Variants in COLGALT1 observed in about 807,000 individuals in gnomAD.
COLGALT1 encodes procollagen galactosyltransferase 1.
In COLGALT1, 43 loss-of-function variants were observed where a neutral mutation model predicts 60.8. That is an observed-to-expected ratio of 0.71 (90% CI 0.55 to 0.91). The LOEUF is 0.91. Ranked by LOEUF, COLGALT1 falls within the 40% of genes least tolerant of loss-of-function variation. COLGALT1 has a pLI of 0.00. For missense variants in COLGALT1, 845 were observed against 880.0 expected (o/e 0.96, Z 0.50); for synonymous variants, 369 against 374.2 (o/e 0.99, Z 0.16).
chr19:17,573,044 A>G (rs1162209139), intron 6 of COLGALT1, among the ~76,000 whole-genome samples: 1 of 152,158 alleles, frequency 6.6e-6, no homozygotes, highest in East Asian at 1.9e-4. Flanking sequence ...CCCTGAGGAC[A>G]GTCAGGAGCT....
chr19:17,562,846 A>T (rs1210632683), intron 3 of COLGALT1, among the ~76,000 whole-genome samples: 1 of 152,102 alleles, frequency 6.6e-6, no homozygotes, highest in Non-Finnish European at 1.5e-5. Context: ...GGGAGAGAGG[A>T]ACGGGGACAG....
At chr19:17,572,704 C>A in intron 6 of COLGALT1, 102 bp downstream of exon 6, 1 of 1,529,964 alleles carries the variant, frequency 6.5e-7, no homozygotes, top group Non-Finnish European at 8.8e-7. Context: ...CAGGCAGATG[C>A]AAGTCCCTGT....
chr19:17,572,611 G>T lies in COLGALT1; in HGVS notation c.949+9G>T. 1 of 1,613,636 alleles carries T rather than the reference G, an allele frequency of 6.2e-7. No individual in the cohort carries two copies. The highest frequency in any genetic ancestry group is 1.3e-5 in the African/African-American group (1 of 75,064). On this transcript the variant is annotated intron_variant, in intron 6 of 11. Coordinates refer to ENST00000252599, the MANE Select transcript of COLGALT1 (RefSeq NM_024656.4). ...GCAGCTGGAGGTCATGGGTGAGTCT[G>T]CCTGCACACCGCCCTGGGAGGTGCC...
chr19:17,565,391 T>G (rs1178821007), intron 3 of COLGALT1, among the ~76,000 whole-genome samples: 1 of 152,162 alleles, frequency 6.6e-6, no homozygotes, highest in Non-Finnish European at 1.5e-5. Context: ...GGTCTTGGAC[T>G]CTTGACCTCA....
chr19:17,561,005 G>T (rs2076245664), intron 3 of COLGALT1, among the ~76,000 whole-genome samples: 1 of 151,874 alleles, frequency 6.6e-6, no homozygotes, highest in African/African-American at 2.4e-5. Context: ...AGGAGGTCGA[G>T]ACCAGCCTGG....
At chr19:17,575,675 G>C (rs557207925) in intron 6 of COLGALT1, among the ~76,000 whole-genome samples, 1 of 151,332 alleles carries the variant, frequency 6.6e-6, no homozygotes, top group Non-Finnish European at 1.5e-5. Flanking sequence ...CACTGTGCCC[G>C]GCCTTCTTTT....
At chr19:17,561,003 G>A (rs150887259) in intron 3 of COLGALT1, among the ~76,000 whole-genome samples, 16 of 151,936 alleles carry the variant, frequency 1.1e-4, no homozygotes, top group African/African-American at 3.6e-4. Context: ...TCAGGAGGTC[G>A]AGACCAGCCT....
At position 17,582,964 on chromosome 19, in the gene COLGALT1, T is replaced by C. The variant is rs1568484939; in HGVS notation, c.*1520T>C. On this transcript the variant is annotated 3_prime_UTR_variant, in exon 12 of 12. Coordinates refer to ENST00000252599, the MANE Select transcript of COLGALT1 (RefSeq NM_024656.4). ...TCTGTTCAAGCCTTTGGTGGGATCA[T>C]GTGTTTGGGGGCTTTTAGGGGACCC... 2.0e-5 allele frequency: 3 copies of C among 152,452 alleles called. No homozygotes were observed. Among genetic ancestry groups the C allele is most frequent in the Non-Finnish European group, 2.9e-5 (2 of 68,226 alleles). The allele number at this position is 152,452 out of a possible 1,614,324, so 9.4% of individuals were successfully genotyped here.
Position 17,577,231 on chromosome 19 carries a change from C to A in COLGALT1, c.986C>A (p.Ser329Ter), listed in dbSNP as rs564381887. 3 of 1,610,778 alleles carry A rather than the reference C, an allele frequency of 1.9e-6. No homozygotes were observed. ...CCCGCAGAGCCCTCCCGCTTCATCT[C>A]GGCTCCCACCAAGACACCGGACAAG... ...HPPAEPSRFI[S>*]APTKTPDKMG... The change falls in exon 7 of 12, where the codon TCG (serine) becomes TAG (stop). Residue 329 changes from serine to a stop codon, truncating the protein, a stop_gained. Transcript: ENST00000252599. LOFTEE classifies it high-confidence loss of function.
At position 17,577,203 on chromosome 19, in the gene COLGALT1, C is replaced by A. The variant is rs756284913; in HGVS notation, c.958C>A (p.Pro320Thr). ...HVQLEVMVKH[P>T]PAEPSRFISA... The stretch of plus-strand genomic sequence containing the variant: ...ACGTCTGTGCCCCACAGTGAAGCAC[C>A]CGCCCGCAGAGCCCTCCCGCTTCAT... The change falls in exon 7 of 12, where the codon CCG becomes ACG. Residue 320 changes from proline (P) to threonine (T), a missense_variant. Pro to Thr is a conservative substitution (Grantham distance 38, BLOSUM62 -1). Transcript: ENST00000252599. 36 of 1,613,108 alleles carry A rather than the reference C, an allele frequency of 2.2e-5. No homozygotes were observed. Among genetic ancestry groups the A allele is most frequent in the Non-Finnish European group, 1.7e-5 (20 of 1,179,612 alleles).
rs1018308980 is a variant in COLGALT1, at chr19:17,555,779, G to A, written c.66G>A (p.Leu22=). The change falls in exon 1 of 12, where the codon CTG becomes CTA. Residue 22 remains leucine, a synonymous_variant. Transcript: ENST00000252599. ...CGCTCCTGGCGCTGCTGCTTCTGCT[G>A]CTGGCGCCACTGCCGCCGGGGGCCC... The part of the protein sequence containing the change: ...GQPLLALLLL[L]LAPLPPGAPP... 1.9e-5 allele frequency: 24 copies of A among 1,241,338 alleles called. No homozygotes were observed. In the African/African-American group the frequency reaches 3.8e-4, roughly 19 times the overall value. 76.9% of individuals were successfully genotyped at this position (1,241,338 alleles called of 1,614,324 possible). A position where few individuals can be genotyped will look rare whatever the true frequency, so the allele number is the denominator to read the frequency against.
chr19:17,574,714 G>T (rs1445533208), intron 6 of COLGALT1, among the ~76,000 whole-genome samples: 2 of 152,136 alleles, frequency 1.3e-5, no homozygotes, highest in East Asian at 1.9e-4. Flanking sequence ...CCCAAGAGTG[G>T]CATACTTAGG....
At chr19:17,579,847 A>G (rs1324498831) in intron 10 of COLGALT1, 4 of 544,212 alleles carry the variant, frequency 7.4e-6, no homozygotes, top group African/African-American at 5.7e-5. Context: ...CTGAGCCTAG[A>G]GCCTGTATGT....
At chr19:17,556,029 C>T in intron 1 of COLGALT1, 56 bp downstream of exon 1, 1 of 1,279,746 alleles carries the variant, frequency 7.8e-7, no homozygotes, top group Non-Finnish European at 9.9e-7. Flanking sequence ...TGCTTGCTGT[C>T]CCCATAGGGG....
At chr19:17,573,533 A>G (rs1354809910) in intron 6 of COLGALT1, among the ~76,000 whole-genome samples, 3 of 152,104 alleles carry the variant, frequency 2.0e-5, no homozygotes, top group Non-Finnish European at 4.4e-5. Context: ...GTCTCAAAAA[A>G]AAAAATTTTT....
intron 1 of COLGALT1, among the ~76,000 whole-genome samples, chr19:17,559,055 G>A (rs1568472049): frequency 6.6e-6 from 1 of 152,102 alleles, no homozygotes. Flanking sequence ...CAGCTACTTG[G>A]GAGGCTGAGA....
chr19:17,558,295 A>G (rs62119888), intron 1 of COLGALT1, among the ~76,000 whole-genome samples: 131,241 of 147,894 alleles, frequency 0.89, 58,607 homozygotes, highest in African/African-American at 0.97. Context: ...GGCTGGTCTC[A>G]AACTCCTGAC....
At chr19:17,566,664 G>A (rs1024360319) in intron 3 of COLGALT1, among the ~76,000 whole-genome samples, 4 of 152,018 alleles carry the variant, frequency 2.6e-5, no homozygotes, top group African/African-American at 4.8e-5. Context: ...GCATGGTGAC[G>A]TGTGCCTGTA....
In COLGALT1 at chr19:17,580,831, G is replaced by A. The variant is rs145786853; in HGVS notation, c.1527G>A (p.Leu509=). 2.1e-4 allele frequency: 345 copies of A among 1,613,966 alleles called. No individual in the cohort carries two copies. The highest frequency in any genetic ancestry group is 2.8e-4 in the Non-Finnish European group (331 of 1,179,998). The change falls in exon 11 of 12, where the codon CTG becomes CTA. Residue 509 remains leucine, a synonymous_variant. Transcript: ENST00000252599. ...TCTCCCTGCAAGGCGCCCGCAAACT[G>A]CTGGCTGCTGAGCCGCTCTCCAAGA... is the stretch of plus-strand genomic sequence containing the variant. The part of the protein sequence containing the change: ...YVISLQGARK[L]LAAEPLSKML...
Sources: gnomAD v4.1 joint callset for allele counts (sites outside exome capture counted in the v4.1 genomes callset) on GRCh38, gnomAD v4.1.1 for gene constraint, MANE v1.5 for transcripts, NCBI Gene and HGNC (gene_info 2026-07-23, HGNC 2026-07-21) for gene names.